Variants in BRD8 observed in about 807,000 individuals in gnomAD.
BRD8 encodes the protein bromodomain-containing protein 8.
In BRD8, 67 loss-of-function variants were observed where a neutral mutation model predicts 143.1. The observed-to-expected ratio is 0.47, with a 90% confidence interval of 0.38 to 0.57. The LOEUF (loss-of-function observed/expected upper bound fraction) is 0.57, where lower values mean the gene tolerates loss of function less well. Among genes scored for constraint, BRD8 ranks in the 20% least tolerant of loss-of-function variants. The pLI is 0.00. For synonymous variants in BRD8, 505 were observed against 517.1 expected, an observed-to-expected ratio of 0.98 and a Z score of 0.32; for missense variants, 1,103 against 1,503.0, an observed-to-expected ratio of 0.73 and a Z score of 4.40.
Position 138,152,633 on chromosome 5 carries a change from C to G in BRD8, c.2705G>C (p.Arg902Thr). The stretch of plus-strand genomic sequence containing the variant: ...CTCAGCCTCTGGATCCTCAGTTTCC[C>G]TCCAGTTGCCCACATCAAGATCCAG... Reference protein sequence around the residue: ...SSLDLDVGNWRETEDPEAEEL... With the variant: ...SSLDLDVGNWTETEDPEAEEL... The change falls in exon 21 of 27, where the codon AGG (arginine) becomes ACG (threonine). Residue 902 changes from arginine to threonine, a missense_variant. Physicochemically the swap from Arg to Thr is moderately conservative, Grantham distance 71. Coordinates refer to ENST00000254900, the MANE Select transcript of BRD8 (RefSeq NM_139199.2). The G allele has an allele frequency of 6.2e-7, 1 of 1,614,200 alleles. No individual in the cohort carries two copies.
intron 6 of BRD8, 151 bp downstream of exon 6, chr5:138,170,681 C>A (rs1043651754): frequency 2.6e-6 from 2 of 773,976 alleles, no homozygotes; most frequent in Non-Finnish European, 4.5e-6. Context: ...TCACTCCCCC[C>A]TCCCAGCCAC....
chr5:138,170,528 C>T, intron 6 of BRD8, 119 bp from the exon 7 acceptor site: 1 of 1,078,962 alleles, frequency 9.3e-7, no homozygotes. Context: ...AAGGCCTAAA[C>T]AGGAATTCTA....
chr5:138,141,318 T>C (rs991107473), intron 25 of BRD8, among the ~76,000 whole-genome samples: 1 of 152,166 alleles, frequency 6.6e-6, no homozygotes, highest in African/African-American at 2.4e-5. Flanking sequence ...TTAGTAGAGA[T>C]AGGGTTTCAC....
chr5:138,168,975 A>G (rs1409923884), intron 8 of BRD8, among the ~76,000 whole-genome samples: 1 of 152,226 alleles, frequency 6.6e-6, no homozygotes, highest in African/African-American at 2.4e-5. Context: ...TTTCAGCAGG[A>G]ATTTCATAAG....
intron 21 of BRD8, 149 bp downstream of exon 21, chr5:138,152,333 G>T: frequency 1.8e-6 from 2 of 1,108,494 alleles, no homozygotes; most frequent in Non-Finnish European, 2.6e-6. Flanking sequence ...AGCACCAAGT[G>T]CTGAGGACAT....
intron 25 of BRD8, among the ~76,000 whole-genome samples, chr5:138,144,918 A>ATAT (rs1464411297): frequency 2.0e-4 from 18 of 89,818 alleles, no homozygotes; most frequent in East Asian, 3.4e-4. Flanking sequence ...AAAAAAAAAA[A>ATAT]ATATATATAT....
chr5:138,152,616 C>A lies in BRD8; in HGVS notation c.2722G>T (p.Glu908Ter). The change falls in exon 21 of 27, where the codon GAG becomes TAG. Residue 908 changes from glutamate to a stop codon, truncating the protein, a stop_gained. Coordinates refer to ENST00000254900, the MANE Select transcript of BRD8 (RefSeq NM_139199.2). LOFTEE classifies it high-confidence loss of function. The stretch of plus-strand genomic sequence containing the variant: ...CTGCTTTCCTCTAGTTCCTCAGCCT[C>A]TGGATCCTCAGTTTCCCTCCAGTTG... ...VGNWRETEDPEAEELEESSPE... is the reference protein window; with the variant it reads ...VGNWRETEDP 2 of 1,614,218 alleles carry A rather than the reference C, an allele frequency of 1.2e-6. No individual in the cohort carries two copies. The highest frequency in any genetic ancestry group is 1.7e-6 in the Non-Finnish European group (2 of 1,180,044).
intron 23 of BRD8, among the ~76,000 whole-genome samples, chr5:138,146,839 G>A (rs956282548): frequency 3.3e-5 from 5 of 151,266 alleles, no homozygotes; most frequent in African/African-American, 4.9e-5. Flanking sequence ...GCGTGGTGGC[G>A]GGTGCCTGTA....
At chr5:138,142,055 G>A (rs1176506496) in intron 25 of BRD8, among the ~76,000 whole-genome samples, 1 of 152,156 alleles carries the variant, frequency 6.6e-6, no homozygotes, top group African/African-American at 2.4e-5. Context: ...ATTAAGAGGT[G>A]GAGCCTTTGG....
intron 20 of BRD8, among the ~76,000 whole-genome samples, chr5:138,156,172 C>T (rs1752587947): frequency 6.7e-6 from 1 of 149,128 alleles, no homozygotes; most frequent in Admixed American, 6.8e-5. Flanking sequence ...TGGAATCTTG[C>T]TCTGTTGCCC....
At chr5:138,172,615 G>A (rs1753963908) in intron 2 of BRD8, 2 of 334,218 alleles carry the variant, frequency 6.0e-6, no homozygotes, top group Non-Finnish European at 1.1e-5. Context: ...AGAGGTGGGA[G>A]GACAGCTCAA....
At chr5:138,145,691 C>G (rs1752120278) in intron 24 of BRD8, 98 bp downstream of exon 24, 14 of 1,047,622 alleles carry the variant, frequency 1.3e-5, no homozygotes, top group Non-Finnish European at 1.9e-5. Context: ...AACTATGGCT[C>G]ATTTGAGGGA....
rs781624279 is a variant in BRD8 at position 138,171,042 on chromosome 5, A to C, written c.355T>G (p.Tyr119Asp). Residue 119 changes from tyrosine to aspartate, a missense_variant, in exon 5 of 27, where the codon TAT (tyrosine) becomes GAT (aspartate). Physicochemically the swap from Tyr to Asp is radical, Grantham distance 160. This residue lies in a region of BRD8 where 334 missense variants were observed against 372.5 expected (regional missense o/e 0.90). Coordinates refer to ENST00000254900, the MANE Select transcript of BRD8 (RefSeq NM_139199.2). Reference protein sequence around the residue: ...KKVIKETQERYRRLKRDAELI... With the variant: ...KKVIKETQERDRRLKRDAELI... ...GGCATTCTCTCTGATAAGTACCTAT[A>C]TCTCTCCTGGGTTTCCTTTATCACT... 1 of 1,613,688 alleles carries C rather than the reference A, an allele frequency of 6.2e-7. No homozygotes were observed. The highest frequency in any genetic ancestry group is 2.2e-5 in the East Asian group (1 of 44,874).
intron 20 of BRD8, chr5:138,157,324 GTGCA>G (rs1398558585): frequency 6.8e-6 from 11 of 1,606,364 alleles, no homozygotes; most frequent in Non-Finnish European, 9.3e-6. Context: ...ACAAGAGACG[GTGCA>G]ACAGAAAAGT....
chr5:138,158,208 T>C (rs3777113), intron 20 of BRD8, among the ~76,000 whole-genome samples: 52,076 of 152,012 alleles, frequency 0.34, 9,119 homozygotes, highest in South Asian at 0.43. Flanking sequence ...ATATTAGCTT[T>C]ATCACACACC....
Position 138,149,778 on chromosome 5 carries a change from G to T in BRD8, c.3140C>A (p.Ser1047Tyr), listed in dbSNP as rs756811572. Residue 1047 changes from serine (S) to tyrosine (Y), a missense_variant, in exon 23 of 27, where the codon TCC becomes TAC. This residue lies in a region of BRD8 where 369 missense variants were observed against 445.5 expected (regional missense o/e 0.83). Transcript: ENST00000254900. The stretch of plus-strand genomic sequence containing the variant: ...TACTTCACCCTGGTCCTCCCCTTTG[G>T]ATTCTTGCTGAGCCTCCCCCTAGGA... ...ESEEGEAQQE[S>Y]KGEDQGEVYV... The T allele has an allele frequency of 1.2e-6, 2 of 1,606,686 alleles. No homozygotes were observed. Among genetic ancestry groups the T allele is most frequent in the Non-Finnish European group, 1.7e-6 (2 of 1,177,924 alleles).
intron 4 of BRD8, 93 bp downstream of exon 4, chr5:138,171,268 T>C (rs1249783284): frequency 7.2e-7 from 1 of 1,396,426 alleles, no homozygotes; most frequent in Non-Finnish European, 1.0e-6. Flanking sequence ...TATTTTTTAA[T>C]CATCCAGTAT....
At position 138,157,337 on chromosome 5, in the gene BRD8, G is replaced by A. The variant is rs1055765962; in HGVS notation, c.2577+2218C>T. On this transcript the variant is annotated intron_variant, in intron 20 of 26. Coordinates refer to ENST00000254900, the MANE Select transcript of BRD8 (RefSeq NM_139199.2). ...AGACAAGAGACGGTGCAACAGAAAA[G>A]TTGGGGATTTGGTTTCTTGGGGGAG... 2.5e-6 allele frequency: 4 copies of A among 1,599,776 alleles called. No homozygotes were observed. The East Asian group carries it at 6.7e-5, about 27-fold the overall frequency.
intron 21 of BRD8, 40 bp from the exon 22 acceptor site, chr5:138,151,048 C>A: frequency 1.3e-6 from 2 of 1,589,554 alleles, no homozygotes; most frequent in Non-Finnish European, 1.7e-6. Context: ...AGGAACACCA[C>A]TGAAAATCAT....
Sources: allele counts gnomAD v4.1 joint callset (sites outside exome capture counted in the v4.1 genomes callset), GRCh38; gene constraint gnomAD v4.1.1; regional missense constraint gnomAD v4.1.1; transcripts MANE v1.5; gene names NCBI Gene and HGNC (gene_info 2026-07-23, HGNC 2026-07-21).